Variants in PPFIA2 observed in about 807,000 individuals in gnomAD.
PPFIA2 encodes the protein PPFI scaffold protein A2.
PPFIA2 carries 46 observed loss-of-function variants against 175.5 expected under a neutral mutation model. That is an observed-to-expected ratio of 0.26 (90% CI 0.21 to 0.34). PPFIA2 has a LOEUF of 0.34. Ranked by LOEUF, PPFIA2 falls within the 10% of genes least tolerant of loss-of-function variation. The probability of loss-of-function intolerance (pLI) is 1.00; values close to 1 mark genes in which losing one functional copy is unlikely to be tolerated. For missense variants in PPFIA2, 1,179 were observed against 1,506.1 expected (o/e 0.78, Z 3.60); for synonymous variants, 568 against 511.4 (o/e 1.11, Z -1.49).
chr12:81,367,131 G>T lies in PPFIA2; in HGVS notation c.1522C>A (p.Leu508Ile). ...ACCTTATCATGTAAAGATTCTTCAA[G>T]ATTCTTTCTGAAAGTTTCTGATTCT... is the stretch of plus-strand genomic sequence containing the variant. ...IQESETFRKN[L>I]EESLHDKERL... Residue 508 changes from leucine to isoleucine, a missense_variant, in exon 14 of 33, where the codon CTT (leucine) becomes ATT (isoleucine). Leu to Ile is a conservative substitution (Grantham distance 5). Transcript: ENST00000549396. 7.7e-6 allele frequency: 11 copies of T among 1,434,010 alleles called. No individual in the cohort carries two copies. Among genetic ancestry groups the T allele is most frequent in the Non-Finnish European group, 9.2e-6 (10 of 1,086,066 alleles). The allele number at this position is 1,434,010 out of a possible 1,614,324, so 88.8% of individuals were successfully genotyped here. A position where few individuals can be genotyped will look rare whatever the true frequency, so the allele number is the denominator to read the frequency against.
intron 3 of PPFIA2, among the ~76,000 whole-genome samples, chr12:81,738,214 T>C (rs1479360445): frequency 6.6e-6 from 1 of 151,896 alleles, no homozygotes; most frequent in African/African-American, 2.4e-5. Flanking sequence ...TAATATGTCT[T>C]AGTGCCAAGT....
At chr12:81,463,459 A>C (rs562200602) in intron 4 of PPFIA2, among the ~76,000 whole-genome samples, 1 of 152,276 alleles carries the variant, frequency 6.6e-6, no homozygotes, top group East Asian at 1.9e-4. Context: ...TGCATGGCAA[A>C]TACTTTCTTT....
intron 4 of PPFIA2, among the ~76,000 whole-genome samples, chr12:81,658,194 G>A (rs1025890300): frequency 1.3e-5 from 2 of 151,410 alleles, no homozygotes; most frequent in African/African-American, 4.9e-5. Flanking sequence ...CTTGAACCCA[G>A]GAGGCAGAGG....
chr12:81,457,806 C>T lies in PPFIA2; in HGVS notation c.364G>A (p.Glu122Lys). The T allele has an allele frequency of 6.2e-7, 1 of 1,610,744 alleles. No homozygotes were observed. Among genetic ancestry groups the T allele is most frequent in the Non-Finnish European group, 8.5e-7 (1 of 1,178,438 alleles). Reference protein sequence around the residue: ...ACREQLLEKEEEISELKAERN... With the variant: ...ACREQLLEKEKEISELKAERN... ...TCAGCTTTAAGTTCAGAGATTTCTTCTTCCTTTTCTAGAAGTTGTTCCCTG... is the reference window on the plus strand; with the variant it reads ...TCAGCTTTAAGTTCAGAGATTTCTTTTTCCTTTTCTAGAAGTTGTTCCCTG... The change falls in exon 5 of 33, where the codon GAA (glutamate) becomes AAA (lysine). Residue 122 changes from glutamate to lysine, a missense_variant. By Grantham distance (56) the Glu-to-Lys change is moderately conservative. Coordinates refer to ENST00000549396, the MANE Select transcript of PPFIA2 (RefSeq NM_003625.5).
At chr12:81,630,202 T>C (rs139898191) in intron 4 of PPFIA2, among the ~76,000 whole-genome samples, 63 of 152,348 alleles carry the variant, frequency 4.1e-4, no homozygotes, top group African/African-American at 1.4e-3. Flanking sequence ...TTCAAGTTTC[T>C]GACCTCCAGA....
chr12:81,570,148 G>A (rs2072224424), intron 4 of PPFIA2, among the ~76,000 whole-genome samples: 1 of 152,006 alleles, frequency 6.6e-6, no homozygotes, highest in South Asian at 2.1e-4. Flanking sequence ...CTAACCATAT[G>A]GTTAACATCA....
intron 7 of PPFIA2, among the ~76,000 whole-genome samples, chr12:81,407,339 C>T (rs1350927423): frequency 4.0e-5 from 6 of 151,716 alleles, no homozygotes; most frequent in African/African-American, 9.7e-5. Context: ...AAAAATTAGC[C>T]GGGCGTGATG....
intron 22 of PPFIA2, among the ~76,000 whole-genome samples, chr12:81,303,644 C>T (rs936274271): frequency 1.3e-5 from 2 of 152,060 alleles, no homozygotes; most frequent in Admixed American, 1.3e-4. Context: ...TTTTAGGAGG[C>T]CCAACATGTG....
intron 22 of PPFIA2, 89 bp downstream of exon 22, chr12:81,325,688 G>T: frequency 1.0e-6 from 1 of 968,648 alleles, no homozygotes; most frequent in Non-Finnish European, 1.6e-6. Flanking sequence ...TAGTTCTTTT[G>T]TTTCCAACCA....
chr12:81,646,272 T>A (rs748023351), intron 4 of PPFIA2, among the ~76,000 whole-genome samples: 3 of 152,006 alleles, frequency 2.0e-5, no homozygotes, highest in Non-Finnish European at 4.4e-5. Context: ...AAACACCCAA[T>A]CATTCAAGGC....
intron 4 of PPFIA2, among the ~76,000 whole-genome samples, chr12:81,649,238 A>G (rs1449678820): frequency 6.6e-6 from 1 of 152,212 alleles, no homozygotes; most frequent in Non-Finnish European, 1.5e-5. Flanking sequence ...ACTACATAAA[A>G]GAACTCTGAA....
intron 4 of PPFIA2, among the ~76,000 whole-genome samples, chr12:81,553,482 T>C (rs376548173): frequency 3.3e-5 from 5 of 152,052 alleles, no homozygotes; most frequent in East Asian, 1.9e-4. Flanking sequence ...CTTTAACCCA[T>C]AGCATGTGGC....
chr12:81,492,557 G>C (rs115868854), intron 4 of PPFIA2, among the ~76,000 whole-genome samples: 3,504 of 152,118 alleles, frequency 0.023, 130 homozygotes, highest in African/African-American at 0.079. Flanking sequence ...TGTGGCATTT[G>C]AGCAAAGGCC....
intron 3 of PPFIA2, among the ~76,000 whole-genome samples, chr12:81,736,487 A>T (rs553384727): frequency 1.5e-4 from 23 of 152,138 alleles, no homozygotes; most frequent in African/African-American, 5.1e-4. Context: ...ACACAGTCAG[A>T]TTTTAATAAA....
At chr12:81,395,367 A>T (rs1255888233) in intron 8 of PPFIA2, among the ~76,000 whole-genome samples, 1 of 151,988 alleles carries the variant, frequency 6.6e-6, no homozygotes, top group Non-Finnish European at 1.5e-5. Context: ...AACAGTATAC[A>T]ATAGAGGCAA....
chr12:81,704,805 T>C (rs2076911386), intron 3 of PPFIA2, among the ~76,000 whole-genome samples: 1 of 151,698 alleles, frequency 6.6e-6, no homozygotes, highest in Non-Finnish European at 1.5e-5. Flanking sequence ...TCTTGTGGGC[T>C]GGGCACGGTG....
chr12:81,597,964 A>C (rs752681601), intron 4 of PPFIA2: 2 of 1,535,110 alleles, frequency 1.3e-6, no homozygotes, highest in South Asian at 2.4e-5. Flanking sequence ...GAAAAGTGTA[A>C]AACCGGGTCC....
At chr12:81,430,911 G>T (rs1017239637) in intron 7 of PPFIA2, 1 of 151,988 alleles carries the variant, frequency 6.6e-6, no homozygotes, top group African/African-American at 2.4e-5. Context: ...TACTTAATAC[G>T]CCCATGCAAG....
intron 4 of PPFIA2, among the ~76,000 whole-genome samples, chr12:81,483,676 TA>T (rs1233388411): frequency 3.9e-5 from 6 of 152,050 alleles, no homozygotes; most frequent in South Asian, 2.1e-4. Flanking sequence ...AATTTTATGC[TA>T]TTTTTTTTTC....
Sources: gnomAD v4.1 joint callset for allele counts (sites outside exome capture counted in the v4.1 genomes callset) on GRCh38, gnomAD v4.1.1 for gene constraint, MANE v1.5 for transcripts, NCBI Gene and HGNC (gene_info 2026-07-23, HGNC 2026-07-21) for gene names.